The following FNDC3B variants were observed in gnomAD, a reference collection of about 807,000 sequenced individuals.
FNDC3B encodes the protein fibronectin type III domain-containing protein 3B.
FNDC3B carries 12 observed loss-of-function variants against 151.5 expected under a neutral mutation model. The observed-to-expected ratio is 0.08, with a 90% confidence interval of 0.05 to 0.13. The LOEUF (loss-of-function observed/expected upper bound fraction) is 0.13, where lower values mean the gene tolerates loss of function less well. FNDC3B is among the 10% of genes least tolerant of loss of function. The pLI, the probability that FNDC3B is intolerant of heterozygous loss-of-function variation, is 1.00. For synonymous variants in FNDC3B, 528 were observed against 549.0 expected (o/e 0.96, Z 0.54); for missense variants, 1,214 against 1,505.3 (o/e 0.81, Z 3.20).
intron 2 of FNDC3B, among the ~76,000 whole-genome samples, chr3:172,124,574 C>G (rs773062573): frequency 8.5e-5 from 13 of 152,176 alleles, no homozygotes; most frequent in Non-Finnish European, 1.8e-4. Context: ...CATACCTTAG[C>G]AATCTAAAAA....
chr3:172,334,502 G>GT (rs1732850160), intron 14 of FNDC3B, among the ~76,000 whole-genome samples: 1 of 152,134 alleles, frequency 6.6e-6, no homozygotes, highest in Admixed American at 6.5e-5. Flanking sequence ...GAGTGCAATG[G>GT]CATGATCTTG....
chr3:172,341,320 A>G (rs2108306231), intron 17 of FNDC3B, 89 bp downstream of exon 17: 1 of 939,924 alleles, frequency 1.1e-6, no homozygotes, highest in Non-Finnish European at 1.8e-6. Context: ...CAGTTTAAAC[A>G]ATGTATCTTG....
chr3:172,059,666 G>A (rs1374914293), intron 1 of FNDC3B, among the ~76,000 whole-genome samples: 2 of 152,026 alleles, frequency 1.3e-5, no homozygotes, highest in Non-Finnish European at 2.9e-5. Flanking sequence ...TAGGCGTATT[G>A]TTTATTTTTC....
At chr3:172,188,061 T>C (rs1724291988) in intron 3 of FNDC3B, among the ~76,000 whole-genome samples, 1 of 150,624 alleles carries the variant, frequency 6.6e-6, no homozygotes, top group Admixed American at 6.6e-5. Context: ...AATGGCGCGA[T>C]CTCGGCTCAC....
Position 172,381,009 on chromosome 3 carries a change from A to G in FNDC3B, c.3219A>G (p.Leu1073=), listed in dbSNP as rs764010846. ...TAGAAGGAAATTCATGTGAAATTTTATGGGAGACGGTACCATCAATGAAAG... is the reference window on the plus strand; with the variant it reads ...TAGAAGGAAATTCATGTGAAATTTTGTGGGAGACGGTACCATCAATGAAAG... ...TQLEGNSCEI[L]WETVPSMKGD... is the part of the protein sequence containing the mutation. The change falls in exon 25 of 26, where the codon TTA becomes TTG. Residue 1073 remains leucine, a synonymous_variant. Transcript: ENST00000415807. 2.5e-6 allele frequency: 4 copies of G among 1,613,804 alleles called. No individual in the cohort carries two copies. The highest frequency in any genetic ancestry group is 4.5e-5 in the East Asian group (2 of 44,886).
At chr3:172,124,369 G>C (rs1245277802) in intron 2 of FNDC3B, among the ~76,000 whole-genome samples, 1 of 152,226 alleles carries the variant, frequency 6.6e-6, no homozygotes, top group South Asian at 2.1e-4. Flanking sequence ...GGGATTTCGG[G>C]CGTGAGCCAC....
chr3:172,066,869 TAGGC>T (rs1400453361), intron 1 of FNDC3B, among the ~76,000 whole-genome samples: 1 of 152,240 alleles, frequency 6.6e-6, no homozygotes, highest in Non-Finnish European at 1.5e-5. Flanking sequence ...TGTGTGAACA[TAGGC>T]AGCTCTTTTG....
chr3:172,248,644 A>G (rs1268675549), intron 5 of FNDC3B, among the ~76,000 whole-genome samples: 3 of 150,600 alleles, frequency 2.0e-5, no homozygotes, highest in African/African-American at 7.3e-5. Context: ...CTGTTATACC[A>G]TAGAATGTTT....
intron 1 of FNDC3B, among the ~76,000 whole-genome samples, chr3:172,046,582 C>G (rs1252506001): frequency 6.6e-6 from 1 of 152,006 alleles, no homozygotes; most frequent in African/African-American, 2.4e-5. Context: ...TTCAGCCTCC[C>G]AAAATGTTGG....
chr3:172,079,392 G>A (rs1718174805), intron 1 of FNDC3B, among the ~76,000 whole-genome samples: 1 of 152,176 alleles, frequency 6.6e-6, no homozygotes, highest in Non-Finnish European at 1.5e-5. Flanking sequence ...GTTGGGAGCT[G>A]CAGTCCCAGA....
intron 1 of FNDC3B, among the ~76,000 whole-genome samples, chr3:172,062,322 T>C (rs1717245572): frequency 6.6e-6 from 1 of 151,870 alleles, no homozygotes; most frequent in Non-Finnish European, 1.5e-5. Flanking sequence ...CTTCTTTTTT[T>C]TTTTTTTGAG....
chr3:172,111,096 T>TAAA (rs1240844592), intron 1 of FNDC3B, among the ~76,000 whole-genome samples: 8 of 104,768 alleles, frequency 7.6e-5, no homozygotes, highest in African/African-American at 1.1e-4. Context: ...GAGACTCCAT[T>TAAA]AAAAAAAAAA....
chr3:172,226,302 T>C (rs1726572903), intron 3 of FNDC3B, among the ~76,000 whole-genome samples: 1 of 105,454 alleles, frequency 9.5e-6, no homozygotes, highest in African/African-American at 3.7e-5. Flanking sequence ...CGAAACTCTG[T>C]CTCAAAAAAA....
At chr3:172,229,559 G>GT (rs974652738) in intron 4 of FNDC3B, among the ~76,000 whole-genome samples, 44 of 152,202 alleles carry the variant, frequency 2.9e-4, no homozygotes, top group Admixed American at 1.6e-3. Context: ...TAGTTGTTCT[G>GT]TTTTTTCAGC....
intron 1 of FNDC3B, among the ~76,000 whole-genome samples, chr3:172,088,122 T>C (rs765056365): frequency 7.2e-5 from 11 of 152,100 alleles, no homozygotes; most frequent in Non-Finnish European, 1.2e-4. Context: ...AGGTGTGACC[T>C]AAATGAGTGT....
chr3:172,130,208 G>T (rs1721001446), intron 2 of FNDC3B, among the ~76,000 whole-genome samples: 1 of 152,146 alleles, frequency 6.6e-6, no homozygotes, highest in African/African-American at 2.4e-5. Context: ...AATGAAAACA[G>T]CTAGGTGGTC....
At chr3:172,388,559 A>G (rs1735846915) in intron 25 of FNDC3B, among the ~76,000 whole-genome samples, 1 of 152,258 alleles carries the variant, frequency 6.6e-6, no homozygotes, top group Non-Finnish European at 1.5e-5. Flanking sequence ...ATGAAAACAA[A>G]GGGACACAAA....
intron 23 of FNDC3B, among the ~76,000 whole-genome samples, chr3:172,368,990 G>A (rs1254321982): frequency 1.3e-5 from 2 of 152,132 alleles, no homozygotes; most frequent in East Asian, 1.9e-4. Flanking sequence ...CAGCCTGGGC[G>A]ACAGAGCAAG....
intron 2 of FNDC3B, among the ~76,000 whole-genome samples, chr3:172,125,134 A>G (rs1461387707): frequency 6.6e-6 from 1 of 152,204 alleles, no homozygotes; most frequent in Non-Finnish European, 1.5e-5. Flanking sequence ...GCACAGTAGT[A>G]AATTGTAAAC....
Sources: allele counts gnomAD v4.1 joint callset (sites outside exome capture counted in the v4.1 genomes callset), GRCh38; gene constraint gnomAD v4.1.1; transcripts MANE v1.5; gene names NCBI Gene and HGNC (gene_info 2026-07-23, HGNC 2026-07-21).